The following FBXO36 variants were observed in gnomAD, a reference collection of about 807,000 sequenced individuals.
The protein encoded by FBXO36 is F-box protein 36, also known as F-box only protein 36.
In FBXO36, 18 loss-of-function variants were observed where a neutral mutation model predicts 17.0. The observed-to-expected ratio is 1.06, with a 90% CI of 0.73 to 1.57. The LOEUF (loss-of-function observed/expected upper bound fraction) is 1.57. FBXO36 is among the 40% of genes most tolerant of loss of function. The pLI, the probability that FBXO36 is intolerant of heterozygous loss-of-function variation, is 0.00. For missense variants in FBXO36, 229 were observed against 221.9 expected, an observed-to-expected ratio of 1.03 and a Z score of -0.20; for synonymous variants, 83 against 85.3, an observed-to-expected ratio of 0.97 and a Z score of 0.15.
intron 3 of FBXO36, among the ~76,000 whole-genome samples, chr2:230,002,166 C>T (rs949444456): frequency 6.6e-6 from 1 of 151,904 alleles, no homozygotes; most frequent in Non-Finnish European, 1.5e-5. Context: ...CTTTTAATTA[C>T]CCAGCTTCCC....
At chr2:230,006,461 G>A (rs2106218084) in intron 3 of FBXO36, among the ~76,000 whole-genome samples, 1 of 152,258 alleles carries the variant, frequency 6.6e-6, no homozygotes, top group East Asian at 1.9e-4. Flanking sequence ...ATATGGCCAG[G>A]GAGTTTCCCT....
intron 2 of FBXO36, among the ~76,000 whole-genome samples, chr2:229,990,767 A>G (rs576764132): frequency 6.6e-6 from 1 of 152,160 alleles, no homozygotes; most frequent in African/African-American, 2.4e-5. Flanking sequence ...TTCTATTTCT[A>G]TTCTTTGGAA....
chr2:229,931,022 G>C (rs914045978), intron 1 of FBXO36, among the ~76,000 whole-genome samples: 1 of 152,098 alleles, frequency 6.6e-6, no homozygotes, highest in African/African-American at 2.4e-5. Flanking sequence ...CAAACATTGT[G>C]TCTTGTGACA....
intron 1 of FBXO36, among the ~76,000 whole-genome samples, chr2:229,949,594 G>A (rs1445756787): frequency 1.3e-5 from 2 of 151,694 alleles, no homozygotes; most frequent in Admixed American, 1.3e-4. Context: ...TATAGATGCT[G>A]AGAAATACTT....
chr2:229,997,173 G>T (rs1409187731), intron 3 of FBXO36, among the ~76,000 whole-genome samples: 1 of 151,928 alleles, frequency 6.6e-6, no homozygotes, highest in Non-Finnish European at 1.5e-5. Flanking sequence ...AAGGTACAAA[G>T]AGAGTGCAAA....
intron 3 of FBXO36, among the ~76,000 whole-genome samples, chr2:229,999,338 G>A (rs1455250068): frequency 6.7e-6 from 1 of 149,046 alleles, no homozygotes; most frequent in African/African-American, 2.5e-5. Flanking sequence ...TGTTGGCCAG[G>A]CTGATCTCAA....
chr2:229,949,088 C>T (rs1338333067), intron 1 of FBXO36, among the ~76,000 whole-genome samples: 2 of 152,186 alleles, frequency 1.3e-5, no homozygotes, highest in Admixed American at 1.3e-4. Context: ...CCGCCTTGGC[C>T]TCCTAAAGTG....
At chr2:229,953,367 A>T (rs2077067682) in intron 1 of FBXO36, among the ~76,000 whole-genome samples, 2 of 151,404 alleles carry the variant, frequency 1.3e-5, no homozygotes, top group Non-Finnish European at 2.9e-5. Flanking sequence ...AAAATAAAAT[A>T]ATATTCAGTT....
chr2:230,009,696 G>A (rs1176695429), intron 3 of FBXO36, among the ~76,000 whole-genome samples: 1 of 152,078 alleles, frequency 6.6e-6, no homozygotes, highest in Non-Finnish European at 1.5e-5. Flanking sequence ...TGTAATCCCA[G>A]CACTCTGGGA....
chr2:229,984,144 T>C (rs955400692), intron 2 of FBXO36, among the ~76,000 whole-genome samples: 3 of 151,972 alleles, frequency 2.0e-5, no homozygotes, highest in African/African-American at 7.2e-5. Context: ...GGTCAAGAGA[T>C]GGAGACCATC....
chr2:229,940,740 C>G (rs1220853536), intron 1 of FBXO36, among the ~76,000 whole-genome samples: 1 of 152,184 alleles, frequency 6.6e-6, no homozygotes, highest in African/African-American at 2.4e-5. Context: ...TTTCAGCAAA[C>G]TAGCAGAAGC....
At chr2:229,950,588 G>A (rs2077052314) in intron 1 of FBXO36, among the ~76,000 whole-genome samples, 1 of 152,170 alleles carries the variant, frequency 6.6e-6, no homozygotes, top group Admixed American at 6.6e-5. Context: ...GATCTAATTA[G>A]CTATTATTCG....
chr2:229,928,973 A>T (rs1261685246), intron 1 of FBXO36, among the ~76,000 whole-genome samples: 15 of 144,896 alleles, frequency 1.0e-4, no homozygotes, highest in South Asian at 4.3e-4. Context: ...TTTTCTTTTC[A>T]TTTTTTTTTT....
chr2:229,946,982 C>T lies in FBXO36; in HGVS notation c.96+24373C>T, dbSNP rs138762699. Among the ~76,000 whole-genome samples the T allele has an allele frequency of 2.9e-3, 438 of 152,212 alleles. 8 individuals are homozygous for T. Among genetic ancestry groups the T allele is most frequent in the African/African-American group, 8.0e-3 (333 of 41,530 alleles). On this transcript the variant is annotated intron_variant, in intron 1 of 3. Transcript: ENST00000283946. ...AGGAGTTCCAGACCAGCCTGGCCAA[C>T]ATGGTGAAATCCCGTCTCTACTAAA...
intron 3 of FBXO36, among the ~76,000 whole-genome samples, chr2:230,010,251 A>G (rs889775607): frequency 1.3e-5 from 2 of 152,178 alleles, no homozygotes; most frequent in Admixed American, 6.5e-5. Context: ...ACAAGAGCAA[A>G]ACTCCATCTC....
chr2:229,975,931 C>T lies in FBXO36; in HGVS notation c.97-310C>T, dbSNP rs541756072. ...GAAGCAATTCTCCTGCCTCAGCCTC[C>T]CAAGTAGCTCAAGTGATCCACCCAC... is the stretch of plus-strand genomic sequence containing the variant. On this transcript the variant is annotated intron_variant, in intron 1 of 3. Coordinates refer to ENST00000283946, the MANE Select transcript of FBXO36 (RefSeq NM_174899.5). 4.4e-4 allele frequency among the ~76,000 whole-genome samples: 67 copies of T among 152,158 alleles called. 3 individuals carry two copies. In the South Asian group the frequency reaches 0.013, roughly 30 times the overall value.
chr2:229,928,633 T>C (rs535055530), intron 1 of FBXO36, among the ~76,000 whole-genome samples: 1 of 152,322 alleles, frequency 6.6e-6, no homozygotes, highest in South Asian at 2.1e-4. Flanking sequence ...TGAATAGCTT[T>C]GATAGCTGTG....
chr2:229,922,639 C>A, intron 1 of FBXO36, 30 bp downstream of exon 1: 1 of 1,608,970 alleles, frequency 6.2e-7, no homozygotes, highest in South Asian at 1.1e-5. Flanking sequence ...TACCCTCTCT[C>A]CTAACTCCCT....
At chr2:229,949,188 A>T (rs995081078) in intron 1 of FBXO36, among the ~76,000 whole-genome samples, 1 of 152,070 alleles carries the variant, frequency 6.6e-6, no homozygotes, top group African/African-American at 2.4e-5. Flanking sequence ...ACCCTTTTGG[A>T]TGTTGTCTCA....
Sources: gnomAD v4.1 joint callset for allele counts (sites outside exome capture counted in the v4.1 genomes callset) on GRCh38, gnomAD v4.1.1 for gene constraint, MANE v1.5 for transcripts, NCBI Gene and HGNC (gene_info 2026-07-23, HGNC 2026-07-21) for gene names.